Variants in BICD1 observed in about 807,000 individuals in gnomAD.
BICD1 encodes protein bicaudal D homolog 1.
A neutral mutation model predicts 92.5 loss-of-function variants in BICD1; 35 were observed. That is an observed-to-expected ratio of 0.38 (90% confidence interval 0.29 to 0.50). The LOEUF is 0.50. Among genes scored for constraint, BICD1 ranks in the 20% least tolerant of loss-of-function variants. The pLI is 0.93. For missense variants in BICD1, 950 were observed against 1,189.8 expected (o/e 0.80, Z 2.97); for synonymous variants, 429 against 465.1 (o/e 0.92, Z 1.00).
chr12:32,282,202 CTTTTTTTTTTTTTTTTTTTTTT>C lies in BICD1; in HGVS notation c.427-11777_427-11756del, dbSNP rs56217529. On this transcript the variant is annotated intron_variant, in intron 2 of 9. Coordinates refer to ENST00000652176, the MANE Select transcript of BICD1 (RefSeq NM_001714.4). ...GCAAGACCCAGCTTCAGGTCTTCTT[CTTTTTTTTTTTTTTTTTTTTTT>C]TTTTTTTTTTTTTTGACACAGGGTC... Among the ~76,000 whole-genome samples, 15 of 94,236 alleles carry C rather than the reference CTTTTTTTTTTTTTTTTTTTTTT, an allele frequency of 1.6e-4. 1 individual carries two copies. The Admixed American group carries it at 1.7e-3, about 11-fold the overall frequency. The allele number at this position is 94,236 out of a possible 152,430, so 61.8% of individuals were successfully genotyped here.
At chr12:32,167,400 A>C (rs1261852497) in intron 1 of BICD1, among the ~76,000 whole-genome samples, 1 of 152,178 alleles carries the variant, frequency 6.6e-6, no homozygotes, top group Non-Finnish European at 1.5e-5. Context: ...AGACTTTAAA[A>C]TTGTTTCTTT....
intron 2 of BICD1, among the ~76,000 whole-genome samples, chr12:32,254,095 G>A (rs1472616143): frequency 1.5e-5 from 2 of 131,238 alleles, no homozygotes; most frequent in Admixed American, 8.0e-5. Context: ...CATATTCCAC[G>A]TCATATTCAC....
intron 2 of BICD1, among the ~76,000 whole-genome samples, chr12:32,239,808 A>T (rs910835741): frequency 1.3e-5 from 2 of 151,668 alleles, no homozygotes; most frequent in African/African-American, 2.4e-5. Context: ...GGGTTTCACC[A>T]TGTTGGTCAG....
intron 9 of BICD1, among the ~76,000 whole-genome samples, chr12:32,368,944 G>A (rs1464038091): frequency 6.6e-6 from 1 of 152,116 alleles, no homozygotes; most frequent in African/African-American, 2.4e-5. Context: ...CAGACAGATA[G>A]AACAGCTGTA....
intron 1 of BICD1, among the ~76,000 whole-genome samples, chr12:32,127,345 T>C (rs538590009): frequency 4.6e-5 from 7 of 152,196 alleles, no homozygotes; most frequent in Non-Finnish European, 7.3e-5. Context: ...GGTAGAAATC[T>C]AATTTAAATT....
At chr12:32,353,213 T>C (rs1488099963) in intron 8 of BICD1, 2 of 152,198 alleles carry the variant, frequency 1.3e-5, no homozygotes, top group Non-Finnish European at 2.9e-5. Flanking sequence ...ATTAGGAAGA[T>C]TGTCATTGGA....
At chr12:32,242,481 C>T (rs1946264672) in intron 2 of BICD1, among the ~76,000 whole-genome samples, 1 of 151,650 alleles carries the variant, frequency 6.6e-6, no homozygotes, top group Admixed American at 6.6e-5. Flanking sequence ...GAGCTGAGAT[C>T]GTGCCACTGC....
intron 1 of BICD1, among the ~76,000 whole-genome samples, chr12:32,205,918 T>C (rs924633659): frequency 1.2e-4 from 18 of 152,006 alleles, no homozygotes; most frequent in African/African-American, 4.3e-4. Flanking sequence ...TAGATTAGTT[T>C]GCATTCTCTA....
intron 1 of BICD1, among the ~76,000 whole-genome samples, chr12:32,144,150 G>C (rs1246656732): frequency 2.6e-5 from 4 of 151,998 alleles, no homozygotes; most frequent in African/African-American, 9.7e-5. Flanking sequence ...TTTTCTCTTT[G>C]TTATGTATTT....
chr12:32,320,566 G>A (rs1014843145), intron 4 of BICD1, among the ~76,000 whole-genome samples: 9 of 151,984 alleles, frequency 5.9e-5, no homozygotes, highest in African/African-American at 1.9e-4. Flanking sequence ...TGCTTGAACT[G>A]GGAGGCAGAG....
chr12:32,136,187 C>T (rs748019806), intron 1 of BICD1, among the ~76,000 whole-genome samples: 3 of 152,226 alleles, frequency 2.0e-5, no homozygotes, highest in African/African-American at 4.8e-5. Flanking sequence ...GTGTGTCTTA[C>T]TCAACTTTGT....
At chr12:32,160,452 A>G (rs1245805976) in intron 1 of BICD1, among the ~76,000 whole-genome samples, 140 of 150,576 alleles carry the variant, frequency 9.3e-4, no homozygotes, top group Admixed American at 9.2e-3. Context: ...AAATGTAACC[A>G]CTCTTGGAGA....
chr12:32,282,497 GAGA>G (rs1255832796), intron 2 of BICD1, among the ~76,000 whole-genome samples: 1 of 152,102 alleles, frequency 6.6e-6, no homozygotes, highest in Non-Finnish European at 1.5e-5. Flanking sequence ...GGATGAGTGG[GAGA>G]AGGATACTTC....
intron 1 of BICD1, among the ~76,000 whole-genome samples, chr12:32,115,386 G>GTTTTTTTTTTTTTTT (rs149711623): frequency 1.0e-5 from 1 of 97,778 alleles, no homozygotes; most frequent in Non-Finnish European, 2.2e-5. Context: ...TGGTGTTTTT[G>GTTTTTTTTTTTTTTT]GTTTTTTTTT....
intron 5 of BICD1, among the ~76,000 whole-genome samples, chr12:32,330,077 A>G (rs1198110108): frequency 6.6e-6 from 1 of 152,122 alleles, no homozygotes; most frequent in Non-Finnish European, 1.5e-5. Flanking sequence ...TCCATTTGCC[A>G]TCATCTGGGG....
At chr12:32,181,187 A>AG (rs887026180) in intron 1 of BICD1, among the ~76,000 whole-genome samples, 6 of 151,850 alleles carry the variant, frequency 4.0e-5, no homozygotes, top group African/African-American at 9.6e-5. Flanking sequence ...TGGGAGGCCG[A>AG]GGGGGGTGGA....
intron 3 of BICD1, among the ~76,000 whole-genome samples, chr12:32,300,622 C>A (rs979223739): frequency 2.9e-5 from 4 of 135,642 alleles, no homozygotes; most frequent in Non-Finnish European, 6.2e-5. Flanking sequence ...AGGAAGATGA[C>A]TTTACAGTAT....
chr12:32,265,044 C>T (rs1343646132), intron 2 of BICD1, among the ~76,000 whole-genome samples: 1 of 152,050 alleles, frequency 6.6e-6, no homozygotes, highest in African/African-American at 2.4e-5. Flanking sequence ...CAACTTCCAG[C>T]TGCCTTAGCC....
At chr12:32,299,884 T>C (rs1947984677) in intron 3 of BICD1, among the ~76,000 whole-genome samples, 1 of 152,144 alleles carries the variant, frequency 6.6e-6, no homozygotes, top group African/African-American at 2.4e-5. Context: ...ACTAAATTAA[T>C]GTCTTCAAGT....
Sources: gnomAD v4.1 joint callset for allele counts (sites outside exome capture counted in the v4.1 genomes callset) on GRCh38, gnomAD v4.1.1 for gene constraint, MANE v1.5 for transcripts, NCBI Gene and HGNC (gene_info 2026-07-23, HGNC 2026-07-21) for gene names.